The following ZNF91 variants were observed in gnomAD, a reference collection of about 807,000 sequenced individuals.
ZNF91 encodes zinc finger protein 91.
In ZNF91, 7 loss-of-function variants were observed where a neutral mutation model predicts 12.6. That is an observed-to-expected ratio of 0.55 (90% CI 0.31 to 1.04). The LOEUF (loss-of-function observed/expected upper bound fraction) is 1.04. ZNF91 is among the 50% of genes least tolerant of loss of function. ZNF91 has a pLI of 0.05. For missense variants in ZNF91, 1,217 were observed against 1,385.4 expected, an observed-to-expected ratio of 0.88 and a Z score of 1.93; for synonymous variants, 453 against 462.6, an observed-to-expected ratio of 0.98 and a Z score of 0.27.
At chr19:23,375,317 G>A (rs968430475) in intron 1 of ZNF91, among the ~76,000 whole-genome samples, 1 of 151,896 alleles carries the variant, frequency 6.6e-6, no homozygotes, top group Non-Finnish European at 1.5e-5. Flanking sequence ...CCACCACCAC[G>A]CCCGGCTAAT....
downstream of ZNF91, among the ~76,000 whole-genome samples, chr19:23,334,258 GT>G (rs1967968621): frequency 6.6e-6 from 1 of 152,140 alleles, no homozygotes. Flanking sequence ...GTTGTGTAGA[GT>G]TGGCATGATG....
chr19:23,326,970 AAATTC>A (rs1967848763), intron 1 of ZNF91: 1 of 152,200 alleles, frequency 6.6e-6, no homozygotes, highest in African/African-American at 2.4e-5. Flanking sequence ...TTTGAACTTC[AAATTC>A]AATAGGAAAA....
intron 3 of ZNF91, among the ~76,000 whole-genome samples, chr19:23,351,672 C>T (rs533182803): frequency 1.3e-5 from 2 of 152,300 alleles, no homozygotes; most frequent in East Asian, 3.9e-4. Flanking sequence ...AATTCTTTCT[C>T]AGGTGAGATT....
intron 1 of ZNF91, among the ~76,000 whole-genome samples, chr19:23,391,726 C>A (rs1325924084): frequency 6.6e-6 from 1 of 152,138 alleles, no homozygotes; most frequent in Non-Finnish European, 1.5e-5. Context: ...CTTTCCAGGG[C>A]TCTGTAGATT....
intron 1 of ZNF91, among the ~76,000 whole-genome samples, chr19:23,318,728 C>A (rs554785768): frequency 3.3e-5 from 5 of 152,224 alleles, no homozygotes; most frequent in Non-Finnish European, 5.9e-5. Flanking sequence ...GCTATGCCCA[C>A]AGAAGGTAGA....
intron 1 of ZNF91, among the ~76,000 whole-genome samples, chr19:23,385,916 CTAAG>C (rs1222388646): frequency 6.6e-6 from 1 of 151,908 alleles, no homozygotes; most frequent in African/African-American, 2.4e-5. Context: ...ACTACTGTAA[CTAAG>C]TTATTTTTAA....
chr19:23,363,686 A>G (rs1258530587), intron 3 of ZNF91, among the ~76,000 whole-genome samples: 1 of 152,214 alleles, frequency 6.6e-6, no homozygotes, highest in Non-Finnish European at 1.5e-5. Flanking sequence ...CCAAAATATT[A>G]TAAAATTTTC....
At position 23,361,618 on chromosome 19, in the gene ZNF91, C is replaced by A; in HGVS notation, c.1361G>T (p.Arg454Ile). 1.9e-6 allele frequency: 3 copies of A among 1,612,586 alleles called. No individual in the cohort carries two copies. The highest frequency in any genetic ancestry group is 2.2e-5 in the East Asian group (1 of 44,714). ...NWSSSLTKHK[R>I]FHTREKPFKC... ...GAAGGGTTTCTCTCTAGTATGAAAT[C>A]TTTTATGTTTAGTAAGGCTTGAGGA... Residue 454 changes from arginine to isoleucine, a missense_variant, in exon 4 of 4, where the codon AGA becomes ATA. By Grantham distance (97) the Arg-to-Ile change is moderately conservative. Transcript: ENST00000300619.
chr19:23,375,137 C>A (rs1599743988), intron 1 of ZNF91, among the ~76,000 whole-genome samples: 1 of 151,690 alleles, frequency 6.6e-6, no homozygotes, highest in African/African-American at 2.4e-5. Flanking sequence ...ACAATAGACA[C>A]GTTGAGTTAG....
chr19:23,354,751 GATAA>G (rs1204607226), downstream of ZNF91, among the ~76,000 whole-genome samples: 2 of 152,076 alleles, frequency 1.3e-5, no homozygotes, highest in African/African-American at 2.4e-5. Context: ...TCCTAGAACT[GATAA>G]AACAATTCAG....
Position 23,362,282 on chromosome 19 carries a change from T to G in ZNF91, c.697A>C (p.Thr233Pro), listed in dbSNP as rs765077509. 18 of 1,613,944 alleles carry G rather than the reference T, an allele frequency of 1.1e-5. No individual in the cohort carries two copies. Among genetic ancestry groups the G allele is most frequent in the African/African-American group, 1.3e-5 (1 of 74,944 alleles). ...STLTNHKEIH[T>P]EDKPYKCEEC... ...TCACATTTGTAGGGTTTATCTTCAG[T>G]ATGAATTTCCTTATGATTAGTAAGG... The change falls in exon 4 of 4, where the codon ACT (threonine) becomes CCT (proline). Residue 233 changes from threonine to proline, a missense_variant. By Grantham distance (38) the Thr-to-Pro change is conservative (BLOSUM62 -1). This residue lies in a region of ZNF91 where 726 missense variants were observed against 895.5 expected (regional missense o/e 0.81). Coordinates refer to ENST00000300619, the MANE Select transcript of ZNF91 (RefSeq NM_003430.4).
chr19:23,347,245 T>C (rs1351864898), intron 3 of ZNF91, among the ~76,000 whole-genome samples: 11 of 152,176 alleles, frequency 7.2e-5, no homozygotes, highest in Admixed American at 7.2e-4. Flanking sequence ...TAAATTCTCA[T>C]TATGCGTTCC....
chr19:23,345,933 A>AC (rs549339419), intron 3 of ZNF91, among the ~76,000 whole-genome samples: 2 of 150,096 alleles, frequency 1.3e-5, no homozygotes, highest in Admixed American at 6.7e-5. Context: ...TGTTAACTCA[A>AC]CCCCCCTCCC....
downstream of ZNF91, among the ~76,000 whole-genome samples, chr19:23,353,912 T>C (rs573093590): frequency 6.6e-6 from 1 of 152,264 alleles, no homozygotes; most frequent in South Asian, 2.1e-4. Flanking sequence ...TTAGATACCC[T>C]GAACAGACCA....
chr19:23,359,221 A>ATT lies in ZNF91; in HGVS notation c.*180_*181dup. 1 of 462,496 alleles carries ATT rather than the reference A, an allele frequency of 2.2e-6. No individual in the cohort carries two copies. 28.6% of individuals were successfully genotyped at this position (462,496 alleles called of 1,614,324 possible). The stretch of plus-strand genomic sequence containing the variant: ...TTTGTAGGGTTTCTCTCTAGTATGA[A>ATT]TTTTCTTTTTTTTTTTTTTGAGACG... On this transcript the variant is annotated 3_prime_UTR_variant, in exon 4 of 4. Transcript: ENST00000300619.
At chr19:23,353,265 G>A (rs1046262462), downstream of ZNF91, among the ~76,000 whole-genome samples, 3 of 152,110 alleles carry the variant, frequency 2.0e-5, no homozygotes, top group Non-Finnish European at 4.4e-5. Flanking sequence ...CACTCTCTCA[G>A]ACCACAGTGG....
intron 3 of ZNF91, among the ~76,000 whole-genome samples, chr19:23,352,146 A>G (rs1268833253): frequency 6.6e-6 from 1 of 152,006 alleles, no homozygotes; most frequent in Non-Finnish European, 1.5e-5. Flanking sequence ...GCCTTAAGAA[A>G]TTTTCAAGCC....
rs534175239 is a variant in ZNF91, at chr19:23,358,725, C to T, written c.*678G>A. ...GGTAGTTTTCTCCAGTATGAATTAT[C>T]TTACCTACGATCAAGTGTGACAATC... On this transcript the variant is annotated 3_prime_UTR_variant, in exon 4 of 4. Coordinates refer to ENST00000300619, the MANE Select transcript of ZNF91 (RefSeq NM_003430.4). 6.3e-6 allele frequency: 1 copy of T among 159,990 alleles called. No individual in the cohort carries two copies. The highest frequency in any genetic ancestry group is 6.4e-5 in the Admixed American group (1 of 15,700). 9.9% of individuals were successfully genotyped at this position (159,990 alleles called of 1,614,324 possible).
chr19:23,393,566 T>C (rs888243550), intron 1 of ZNF91, among the ~76,000 whole-genome samples: 1 of 152,236 alleles, frequency 6.6e-6, no homozygotes, highest in Non-Finnish European at 1.5e-5. Context: ...TAGCTGCGTC[T>C]AGGGAAAATA....
Sources: gnomAD v4.1 joint callset for allele counts (sites outside exome capture counted in the v4.1 genomes callset) on GRCh38, gnomAD v4.1.1 for gene constraint, gnomAD v4.1.1 regional missense constraint, MANE v1.5 for transcripts, NCBI Gene and HGNC (gene_info 2026-07-23, HGNC 2026-07-21) for gene names.